CBL: variants seen among roughly 807,000 people sequenced by gnomAD.
The protein encoded by CBL is E3 ubiquitin-protein ligase CBL.
A neutral mutation model predicts 96.9 loss-of-function variants in CBL; 45 were observed. That is an observed-to-expected ratio of 0.46 (90% CI 0.37 to 0.60). The LOEUF (loss-of-function observed/expected upper bound fraction) is 0.60, where lower values mean the gene tolerates loss of function less well. Ranked by LOEUF, CBL falls within the 20% of genes least tolerant of loss-of-function variation. The pLI, the probability that CBL is intolerant of heterozygous loss-of-function variation, is 0.00. For missense variants in CBL, 1,024 were observed against 1,143.5 expected, an observed-to-expected ratio of 0.90 and a Z score of 1.51; for synonymous variants, 420 against 426.8, an observed-to-expected ratio of 0.98 and a Z score of 0.20.
At chr11:119,297,990 G>C (rs1486790996) in intron 14 of CBL, among the ~76,000 whole-genome samples, 1 of 152,008 alleles carries the variant, frequency 6.6e-6, no homozygotes, top group Non-Finnish European at 1.5e-5. Flanking sequence ...ATGTTAACTA[G>C]CCTACCAGAT....
chr11:119,234,960 AAG>A (rs560701604), intron 2 of CBL, among the ~76,000 whole-genome samples: 1 of 152,176 alleles, frequency 6.6e-6, no homozygotes, highest in Non-Finnish European at 1.5e-5. Context: ...TTAAAATGAG[AAG>A]TTTGGTTTGG....
In CBL at chr11:119,307,255, G is replaced by C. The variant is rs1950150970; in HGVS notation, c.*7474G>C. 4.3e-6 allele frequency: 1 copy of C among 232,626 alleles called. No individual in the cohort carries two copies. The highest frequency in any genetic ancestry group is 2.2e-5 in the African/African-American group (1 of 45,402). The allele number at this position is 232,626 out of a possible 1,614,324, so 14.4% of individuals were successfully genotyped here. On this transcript the variant is annotated 3_prime_UTR_variant, in exon 16 of 16. Coordinates refer to ENST00000264033, the MANE Select transcript of CBL (RefSeq NM_005188.4). ...GTTGCATGCCTTGTCTCCTGCAAAA[G>C]ACAGAATGTTTCACAATTCCCAGGT...
At chr11:119,258,675 A>G (rs987080195) in intron 2 of CBL, among the ~76,000 whole-genome samples, 13 of 152,192 alleles carry the variant, frequency 8.5e-5, no homozygotes, top group Admixed American at 7.2e-4. Flanking sequence ...TTTGGTTACT[A>G]TAGCCTTAAT....
At chr11:119,233,449 G>A (rs1205017660) in intron 2 of CBL, among the ~76,000 whole-genome samples, 4 of 152,076 alleles carry the variant, frequency 2.6e-5, no homozygotes, top group Non-Finnish European at 5.9e-5. Flanking sequence ...GGCCAGGCTG[G>A]TCTCGAACTC....
At chr11:119,221,356 A>G (rs2135257219) in intron 1 of CBL, among the ~76,000 whole-genome samples, 1 of 152,232 alleles carries the variant, frequency 6.6e-6, no homozygotes, top group East Asian at 1.9e-4. Context: ...GTTCAAGACC[A>G]GTCTAGGCAA....
Position 119,304,083 on chromosome 11 carries a change from C to T in CBL, c.*4302C>T, listed in dbSNP as rs114801312. The T allele has an allele frequency of 8.7e-3, 2,024 of 233,648 alleles. 45 individuals carry two copies. The highest frequency in any genetic ancestry group is 0.041 in the African/African-American group (1,862 of 45,436). The allele number at this position is 233,648 out of a possible 1,614,324, so 14.5% of individuals were successfully genotyped here. Reference sequence around the variant, plus strand: ...GCCAGACATTAATACAGATTGAACTCCATCAGTCCCCTAATTGTCAGCCTT... The same window carrying T: ...GCCAGACATTAATACAGATTGAACTTCATCAGTCCCCTAATTGTCAGCCTT... On this transcript the variant is annotated 3_prime_UTR_variant, in exon 16 of 16. Transcript: ENST00000264033.
At chr11:119,217,174 G>C (rs2135253506) in intron 1 of CBL, among the ~76,000 whole-genome samples, 1 of 152,298 alleles carries the variant, frequency 6.6e-6, no homozygotes, top group East Asian at 1.9e-4. Flanking sequence ...CTGGAGTGCA[G>C]TGGTGCAGTA....
chr11:119,247,034 A>G (rs756894871), intron 2 of CBL, among the ~76,000 whole-genome samples: 56 of 152,178 alleles, frequency 3.7e-4, no homozygotes, highest in Non-Finnish European at 7.2e-4. Context: ...TGAAAAATGA[A>G]ATTTTGCTTA....
intron 2 of CBL, among the ~76,000 whole-genome samples, chr11:119,256,423 C>T (rs1949711397): frequency 6.6e-6 from 1 of 152,180 alleles, no homozygotes; most frequent in South Asian, 2.1e-4. Flanking sequence ...TCAGGTGATC[C>T]ACCCACCTTG....
At position 119,301,321 on chromosome 11, in the gene CBL, T is replaced by C. The variant is rs1313418808; in HGVS notation, c.*1540T>C. ...GAATTGAGGGTCCAGTTGGGAGAAC[T>C]ATTAGTCAGTTCTTTTATATGCTGA... On this transcript the variant is annotated 3_prime_UTR_variant, in exon 16 of 16. Transcript: ENST00000264033. 1 of 233,286 alleles carries C rather than the reference T, an allele frequency of 4.3e-6. No individual in the cohort carries two copies. Among genetic ancestry groups the C allele is most frequent in the East Asian group, 6.0e-5 (1 of 16,594 alleles). The allele number at this position is 233,286 out of a possible 1,614,324, so 14.5% of individuals were successfully genotyped here. A position where few individuals can be genotyped will look rare whatever the true frequency, so the allele number is the denominator to read the frequency against.
intron 1 of CBL, among the ~76,000 whole-genome samples, chr11:119,228,909 C>T (rs1442522832): frequency 6.6e-6 from 1 of 151,722 alleles, no homozygotes; most frequent in Non-Finnish European, 1.5e-5. Flanking sequence ...TTCCCGGGTT[C>T]AAGTGATTCT....
At chr11:119,292,715 C>T (rs926569433) in intron 12 of CBL, among the ~76,000 whole-genome samples, 1 of 152,132 alleles carries the variant, frequency 6.6e-6, no homozygotes, top group African/African-American at 2.4e-5. Context: ...CCACTGCGCC[C>T]GGCCTATTTT....
rs1950109728 is a variant in CBL, at chr11:119,302,684, C to T, written c.*2903C>T. 4.3e-6 allele frequency: 1 copy of T among 231,562 alleles called. No homozygotes were observed. The highest frequency in any genetic ancestry group is 8.5e-6 in the Non-Finnish European group (1 of 116,996). 14.3% of individuals were successfully genotyped at this position (231,562 alleles called of 1,614,324 possible). ...CTGCAGAGCAGCAACTGGACCTTTC[C>T]AGCTGTCGCCATGTTCCTTCCACTA... On this transcript the variant is annotated 3_prime_UTR_variant, in exon 16 of 16. Transcript: ENST00000264033.
At chr11:119,265,383 T>C (rs1056638364) in intron 2 of CBL, among the ~76,000 whole-genome samples, 2 of 152,248 alleles carry the variant, frequency 1.3e-5, no homozygotes, top group Non-Finnish European at 2.9e-5. Context: ...TGTTTTAGAA[T>C]AGATAATACT....
intron 1 of CBL, among the ~76,000 whole-genome samples, chr11:119,230,301 C>T (rs560013948): frequency 2.0e-5 from 3 of 152,022 alleles, no homozygotes; most frequent in Admixed American, 6.6e-5. Flanking sequence ...TACAGGCGCC[C>T]GCCACCACGC....
chr11:119,284,811 G>C (rs182363596), intron 9 of CBL, among the ~76,000 whole-genome samples, 158 bp from the exon 10 acceptor site: 5 of 152,122 alleles, frequency 3.3e-5, no homozygotes, highest in African/African-American at 1.2e-4. Context: ...TAGAGTCTCT[G>C]GAAGTTTTTT....
chr11:119,256,957 C>G (rs1490553038), intron 2 of CBL, among the ~76,000 whole-genome samples: 1 of 152,080 alleles, frequency 6.6e-6, no homozygotes, highest in Non-Finnish European at 1.5e-5. Flanking sequence ...ATCACATTTT[C>G]TTTATCCACT....
At position 119,285,007 on chromosome 11, in the gene CBL, A is replaced by C; in HGVS notation, c.1470A>C (p.Gln490His). 6.2e-7 allele frequency: 1 copy of C among 1,614,088 alleles called. No homozygotes were observed. Among genetic ancestry groups the C allele is most frequent in the Non-Finnish European group, 8.5e-7 (1 of 1,179,996 alleles). ...CTTCTCCATTCTCCATGGCCCCACAAGCTTCCCTTCCCCCGGTGCCACCAC... is the reference window on the plus strand; with the variant it reads ...CTTCTCCATTCTCCATGGCCCCACACGCTTCCCTTCCCCCGGTGCCACCAC... ...RPPSPFSMAP[Q>H]ASLPPVPPRL... Residue 490 changes from glutamine to histidine, a missense_variant, in exon 10 of 16, where the codon CAA becomes CAC. This residue lies in a region of CBL where 695 missense variants were observed against 661.6 expected (regional missense o/e 1.05). Coordinates refer to ENST00000264033, the MANE Select transcript of CBL (RefSeq NM_005188.4).
rs1254913757 is a variant in CBL, at chr11:119,302,689, G to T, written c.*2908G>T. On this transcript the variant is annotated 3_prime_UTR_variant, in exon 16 of 16. Coordinates refer to ENST00000264033, the MANE Select transcript of CBL (RefSeq NM_005188.4). The stretch of plus-strand genomic sequence containing the variant: ...GAGCAGCAACTGGACCTTTCCAGCT[G>T]TCGCCATGTTCCTTCCACTAAAGTA... 1.7e-5 allele frequency: 4 copies of T among 231,458 alleles called. No individual in the cohort carries two copies. The highest frequency in any genetic ancestry group is 3.4e-5 in the Non-Finnish European group (4 of 117,028). 14.3% of individuals were successfully genotyped at this position (231,458 alleles called of 1,614,324 possible).
Sources: gnomAD v4.1 joint callset for allele counts (sites outside exome capture counted in the v4.1 genomes callset) on GRCh38, gnomAD v4.1.1 for gene constraint, gnomAD v4.1.1 regional missense constraint, MANE v1.5 for transcripts, NCBI Gene and HGNC (gene_info 2026-07-23, HGNC 2026-07-21) for gene names.